Variants in LSAMP observed in about 807,000 individuals in gnomAD.
LSAMP encodes limbic system associated membrane protein.
LSAMP carries 7 observed loss-of-function variants against 38.6 expected under a neutral mutation model. The observed-to-expected ratio is 0.18, with a 90% CI of 0.10 to 0.34. The LOEUF (loss-of-function observed/expected upper bound fraction) is 0.34. Ranked by LOEUF, LSAMP falls within the 10% of genes least tolerant of loss-of-function variation. LSAMP has a pLI of 1.00. For synonymous variants in LSAMP, 154 were observed against 166.8 expected, an observed-to-expected ratio of 0.92 and a Z score of 0.59; for missense variants, 313 against 420.0, an observed-to-expected ratio of 0.75 and a Z score of 2.23.
intron 2 of LSAMP, among the ~76,000 whole-genome samples, chr3:116,043,931 G>A (rs1258144321): frequency 6.6e-6 from 1 of 152,218 alleles, no homozygotes; most frequent in East Asian, 1.9e-4. Flanking sequence ...GGGCGAAAGA[G>A]CGAGACTCCG....
chr3:115,895,284 A>T (rs929443118), intron 3 of LSAMP, among the ~76,000 whole-genome samples: 1 of 152,062 alleles, frequency 6.6e-6, no homozygotes, highest in African/African-American at 2.4e-5. Flanking sequence ...TTAGGGATGT[A>T]TCATTTTGGT....
intron 1 of LSAMP, among the ~76,000 whole-genome samples, chr3:116,337,745 T>G (rs2047940466): frequency 6.6e-6 from 1 of 151,938 alleles, no homozygotes; most frequent in East Asian, 1.9e-4. Context: ...GAACACTCTT[T>G]CCAGATCCAA....
intron 1 of LSAMP, among the ~76,000 whole-genome samples, chr3:116,240,427 A>C (rs2046517711): frequency 6.6e-6 from 1 of 152,200 alleles, no homozygotes; most frequent in South Asian, 2.1e-4. Flanking sequence ...AAAAGACAAT[A>C]AGGAAGAATG....
At chr3:116,154,451 C>T (rs577192924) in intron 1 of LSAMP, among the ~76,000 whole-genome samples, 11 of 152,244 alleles carry the variant, frequency 7.2e-5, no homozygotes, top group South Asian at 6.2e-4. Context: ...GATACAATAA[C>T]GCTTTTAAGA....
chr3:115,967,645 A>G (rs2107605213), intron 3 of LSAMP, among the ~76,000 whole-genome samples: 1 of 152,300 alleles, frequency 6.6e-6, no homozygotes, highest in East Asian at 1.9e-4. Context: ...TAATGGATTT[A>G]TATTTTGACG....
intron 3 of LSAMP, among the ~76,000 whole-genome samples, chr3:116,006,372 T>A (rs1359201011): frequency 6.6e-6 from 1 of 152,128 alleles, no homozygotes; most frequent in Non-Finnish European, 1.5e-5. Context: ...GATCACGGAC[T>A]TCTAGCCTCC....
At chr3:116,104,637 A>T (rs1687059193) in intron 1 of LSAMP, among the ~76,000 whole-genome samples, 1 of 152,242 alleles carries the variant, frequency 6.6e-6, no homozygotes, top group Admixed American at 6.5e-5. Flanking sequence ...GCACAGGACT[A>T]AGATAGTGTA....
intron 1 of LSAMP, among the ~76,000 whole-genome samples, chr3:116,281,167 T>C (rs2047121743): frequency 6.6e-6 from 1 of 151,928 alleles, no homozygotes; most frequent in Non-Finnish European, 1.5e-5. Context: ...ACAGAAGATA[T>C]TTGTGAAGGA....
intron 3 of LSAMP, among the ~76,000 whole-genome samples, chr3:115,890,075 G>A (rs1211669654): frequency 1.3e-5 from 2 of 151,878 alleles, no homozygotes; most frequent in South Asian, 2.1e-4. Context: ...CTCTATAGCA[G>A]TAAACTTCTA....
chr3:116,389,418 T>C (rs991641389), intron 1 of LSAMP, among the ~76,000 whole-genome samples: 4 of 152,206 alleles, frequency 2.6e-5, no homozygotes, highest in African/African-American at 9.7e-5. Context: ...TAAATTTGTA[T>C]TGCAATCATT....
intron 3 of LSAMP, among the ~76,000 whole-genome samples, chr3:115,962,603 A>AT (rs537644007): frequency 2.6e-5 from 4 of 152,206 alleles, no homozygotes; most frequent in Non-Finnish European, 5.9e-5. Context: ...ACAGGATAAT[A>AT]TATGTGAAAG....
intron 3 of LSAMP, among the ~76,000 whole-genome samples, chr3:115,986,359 CTAGA>C (rs1939508808): frequency 6.6e-6 from 1 of 152,014 alleles, no homozygotes; most frequent in Non-Finnish European, 1.5e-5. Flanking sequence ...GAGTTGCTGA[CTAGA>C]AGCAAATAGA....
chr3:115,955,054 ACG>A (rs1938412021), intron 3 of LSAMP, among the ~76,000 whole-genome samples: 1 of 151,494 alleles, frequency 6.6e-6, no homozygotes, highest in African/African-American at 2.4e-5. Context: ...TCCCGGGTTC[ACG>A]CCATTCTCCT....
intron 1 of LSAMP, among the ~76,000 whole-genome samples, chr3:116,257,983 ATT>A (rs1576464586): frequency 6.6e-6 from 1 of 152,162 alleles, no homozygotes; most frequent in Non-Finnish European, 1.5e-5. Flanking sequence ...AGTAATATTA[ATT>A]AACACTACAA....
chr3:116,097,458 C>T (rs907083093), intron 1 of LSAMP, among the ~76,000 whole-genome samples: 1 of 152,138 alleles, frequency 6.6e-6, no homozygotes, highest in Admixed American at 6.5e-5. Context: ...TGGAGCAGAA[C>T]CACATTATAA....
chr3:116,253,225 A>G (rs2046707883), intron 1 of LSAMP, among the ~76,000 whole-genome samples: 1 of 58,212 alleles, frequency 1.7e-5, no homozygotes, highest in Non-Finnish European at 5.0e-5. Flanking sequence ...AAATAAATAC[A>G]GAAAAAAAAA....
At chr3:116,266,269 G>T (rs1016823030) in intron 1 of LSAMP, among the ~76,000 whole-genome samples, 2 of 152,148 alleles carry the variant, frequency 1.3e-5, no homozygotes, top group Non-Finnish European at 2.9e-5. Flanking sequence ...AGCTATTAGA[G>T]ATCTAGCATG....
chr3:115,851,189 G>C (rs988991504), intron 4 of LSAMP, among the ~76,000 whole-genome samples: 2 of 152,142 alleles, frequency 1.3e-5, no homozygotes, highest in Non-Finnish European at 1.5e-5. Flanking sequence ...GGCCAGGCTT[G>C]TCTCGAACTC....
At chr3:116,347,699 C>T (rs1325650399) in intron 1 of LSAMP, among the ~76,000 whole-genome samples, 2 of 152,070 alleles carry the variant, frequency 1.3e-5, no homozygotes, top group African/African-American at 2.4e-5. Flanking sequence ...ACCAAGAGGA[C>T]GGGACCATGG....
Sources: gnomAD v4.1 joint callset for allele counts (sites outside exome capture counted in the v4.1 genomes callset) on GRCh38, gnomAD v4.1.1 for gene constraint, MANE v1.5 for transcripts, NCBI Gene and HGNC (gene_info 2026-07-23, HGNC 2026-07-21) for gene names.